Variants in CGN observed in about 807,000 individuals in gnomAD.
CGN encodes cingulin.
Under a neutral mutation model 157.1 loss-of-function variants are expected in CGN, and 121 were observed. The ratio of observed to expected loss-of-function variants is 0.77; its 90% CI spans 0.66 to 0.90. The LOEUF is 0.90. Ranked by LOEUF, CGN falls within the 40% of genes least tolerant of loss-of-function variation. The probability of loss-of-function intolerance (pLI) is 0.00; values close to 1 mark genes in which losing one functional copy is unlikely to be tolerated. For synonymous variants in CGN, 535 were observed against 607.5 expected, an observed-to-expected ratio of 0.88 and a Z score of 1.76; for missense variants, 1,424 against 1,520.9, an observed-to-expected ratio of 0.94 and a Z score of 1.06.
chr1:151,522,441 A>G (rs58530871), intron 5 of CGN, among the ~76,000 whole-genome samples: 3,662 of 152,190 alleles, frequency 0.024, 142 homozygotes, highest in African/African-American at 0.084. Context: ...CCTGGCCAAC[A>G]TGGTGAAACC....
Position 151,524,783 on chromosome 1 carries a change from T to G in CGN, c.1511T>G (p.Leu504Arg). The G allele has an allele frequency of 6.2e-7, 1 of 1,612,714 alleles. No individual in the cohort carries two copies. The highest frequency in any genetic ancestry group is 8.5e-7 in the Non-Finnish European group (1 of 1,179,858). ...GAGTTGACAGCCCTGAAGGGGGCCC[T>G]GAAAGAGGAGGTAGCCTCCCGTGAC... ...ERELTALKGA[L>R]KEEVASRDQE... The change falls in exon 8 of 21, where the codon CTG (leucine) becomes CGG (arginine). Residue 504 changes from leucine (L) to arginine (R), a missense_variant. Coordinates refer to ENST00000271636, the MANE Select transcript of CGN (RefSeq NM_020770.3). This position sits in a 1 kb window ranked among gnomAD's most constrained non-coding sequence, Gnocchi z 4.4.
rs1460667124 is a variant in CGN at position 151,537,418 on chromosome 1, C to T, written c.*72C>T. On this transcript the variant is annotated 3_prime_UTR_variant, in exon 21 of 21. Coordinates refer to ENST00000271636, the MANE Select transcript of CGN (RefSeq NM_020770.3). Reference sequence around the variant, plus strand: ...GCAAGTGCTGCTCTGCTCTGCCCACCCTGGGTTCTGCATTCCTATGGGTGA... The same window carrying T: ...GCAAGTGCTGCTCTGCTCTGCCCACTCTGGGTTCTGCATTCCTATGGGTGA... The T allele has an allele frequency of 4.9e-6, 7 of 1,431,778 alleles. No individual in the cohort carries two copies. The Admixed American group carries it at 1.2e-4, about 25-fold the overall frequency. The allele number at this position is 1,431,778 out of a possible 1,614,324, so 88.7% of individuals were successfully genotyped here.
chr1:151,525,441 T>C (rs1664650053), intron 8 of CGN, among the ~76,000 whole-genome samples: 1 of 152,064 alleles, frequency 6.6e-6, no homozygotes, highest in African/African-American at 2.4e-5. Context: ...TGGGGAGGTT[T>C]CCTGTAGATG....
In CGN at chr1:151,523,522, T is replaced by C; in HGVS notation, c.1229T>C (p.Leu410Pro). 1 of 1,612,816 alleles carries C rather than the reference T, an allele frequency of 6.2e-7. No homozygotes were observed. Residue 410 changes from leucine to proline, a missense_variant, in exon 6 of 21, where the codon CTG becomes CCG. By Grantham distance (98) the Leu-to-Pro change is moderately conservative (BLOSUM62 -3). Coordinates refer to ENST00000271636, the MANE Select transcript of CGN (RefSeq NM_020770.3). ...TEECSRLQEL[L>P]ERRKGEAQQS... ...GAGTGCAGCCGACTGCAGGAGCTGC[T>C]GGAGAGGAGGAAGGGGGAGGCCCAG... is the stretch of plus-strand genomic sequence containing the variant.
Position 151,536,718 on chromosome 1 carries a change from T to G in CGN, c.3307-12T>G. The G allele has an allele frequency of 1.2e-6, 2 of 1,613,842 alleles. No individual in the cohort carries two copies. The highest frequency in any genetic ancestry group is 8.5e-7 in the Non-Finnish European group (1 of 1,179,824). On this transcript the variant is annotated splice_polypyrimidine_tract_variant and intron_variant, in intron 19 of 20. Coordinates refer to ENST00000271636, the MANE Select transcript of CGN (RefSeq NM_020770.3). ...ATGCTATTCAGATGTGTGGACTTGG[T>G]ATCCTGCCCAGCTAAGCCTGAGGGT...
At chr1:151,535,929 C>G (rs1360365107) in intron 18 of CGN, 31 bp downstream of exon 18, 1 of 1,534,908 alleles carries the variant, frequency 6.5e-7, no homozygotes, top group Non-Finnish European at 9.0e-7. Flanking sequence ...CTCCCTTCCT[C>G]CCTCCTTTTC....
In CGN at chr1:151,523,552, G is replaced by A. The variant is rs763143105; in HGVS notation, c.1259G>A (p.Ser420Asn). ...AGGAGGAAGGGGGAGGCCCAGCAGA[G>A]CAACAAGGAGTGAGTGCAGCTGGTG... ...LERRKGEAQQ[S>N]NKELQNMKRL... The change falls in exon 6 of 21, where the codon AGC (serine) becomes AAC (asparagine). Residue 420 changes from serine (S) to asparagine (N), a missense_variant. Coordinates refer to ENST00000271636, the MANE Select transcript of CGN (RefSeq NM_020770.3). 1 of 1,608,088 alleles carries A rather than the reference G, an allele frequency of 6.2e-7. No homozygotes were observed. Among genetic ancestry groups the A allele is most frequent in the East Asian group, 2.2e-5 (1 of 44,744 alleles).
chr1:151,531,979 A>G (rs987018647), intron 13 of CGN, among the ~76,000 whole-genome samples: 6 of 152,126 alleles, frequency 3.9e-5, no homozygotes, highest in Admixed American at 1.3e-4. Context: ...TTATAGTTTA[A>G]TTGGCATATT....
At chr1:151,528,371 G>A (rs945621439) in intron 10 of CGN, among the ~76,000 whole-genome samples, 7 of 150,576 alleles carry the variant, frequency 4.6e-5, no homozygotes, top group African/African-American at 1.7e-4. Flanking sequence ...TTTTTATGGA[G>A]TTATATTTTA....
At position 151,529,436 on chromosome 1, in the gene CGN, G is replaced by C. The variant is rs199971698; in HGVS notation, c.1983G>C (p.Glu661Asp). Residue 661 changes from glutamate to aspartate, a missense_variant, in exon 11 of 21, where the codon GAG becomes GAC. Transcript: ENST00000271636. ...QEVAGRHRDR[E>D]LEKQLAVLRV... ...TGGCTGGGCGACACCGGGACCGGGA[G>C]TTGGAGAAGCAGCTGGCGGTCCTGA... 8.7e-6 allele frequency: 14 copies of C among 1,613,802 alleles called. No homozygotes were observed. Among genetic ancestry groups the C allele is most frequent in the Admixed American group, 5.0e-5 (3 of 59,982 alleles).
At position 151,527,102 on chromosome 1, in the gene CGN, A is replaced by C. The variant is rs371885038; in HGVS notation, c.1891A>C (p.Lys631Gln). ...AGDTRQVEVL[K>Q]KELLRTQEEL... ...AGATACTCGCCAGGTTGAGGTGCTC[A>C]AGAAGGTATTTGGGAATTGGGGGGC... Residue 631 changes from lysine (K) to glutamine (Q), a missense_variant, in exon 10 of 21, where the codon AAG (lysine) becomes CAG (glutamine). Transcript: ENST00000271636. 1.9e-6 allele frequency: 3 copies of C among 1,613,950 alleles called. No homozygotes were observed. Among genetic ancestry groups the C allele is most frequent in the Non-Finnish European group, 2.5e-6 (3 of 1,180,016 alleles).
In CGN at chr1:151,532,488, G is replaced by A. The variant is rs749274157; in HGVS notation, c.2658G>A (p.Glu886=). 1.2e-6 allele frequency: 2 copies of A among 1,610,484 alleles called. No individual in the cohort carries two copies. Among genetic ancestry groups the A allele is most frequent in the South Asian group, 1.1e-5 (1 of 90,544 alleles). ...LEDYKEKARR[E]VADAQRQAKD... ...ATTATAAGGAAAAGGCCCGGCGGGA[G>A]GTGGCAGATGCCCAGCGCCAGGCCA... Residue 886 remains glutamate, a synonymous_variant, in exon 14 of 21, where the codon GAG becomes GAA. Coordinates refer to ENST00000271636, the MANE Select transcript of CGN (RefSeq NM_020770.3).
At chr1:151,532,702 C>T in intron 14 of CGN, 130 bp downstream of exon 14, 1 of 669,924 alleles carries the variant, frequency 1.5e-6, no homozygotes, top group Non-Finnish European at 2.2e-6. Flanking sequence ...TCACTGCAAG[C>T]TCTGCCTCCG....
Position 151,533,970 on chromosome 1 carries a change from C to T in CGN, c.2743-5C>T. On this transcript the variant is annotated splice_region_variant and splice_polypyrimidine_tract_variant and intron_variant, in intron 14 of 20. Coordinates refer to ENST00000271636, the MANE Select transcript of CGN (RefSeq NM_020770.3). ...TGAGCTGTGGCATTTTTACCCCCTG[C>T]CCAGATCCAGAGGCTGCGGCAGGCC... 6.2e-7 allele frequency: 1 copy of T among 1,604,866 alleles called. No individual in the cohort carries two copies. The highest frequency in any genetic ancestry group is 8.5e-7 in the Non-Finnish European group (1 of 1,177,314).
chr1:151,529,198 T>G, intron 10 of CGN, 152 bp from the exon 11 acceptor site: 1 of 626,508 alleles, frequency 1.6e-6, no homozygotes, highest in South Asian at 2.0e-5. Context: ...GGTAAATCTG[T>G]GTTTAACTTT....
rs1482947529 is a variant in CGN, at chr1:151,524,810, A to G, written c.1538A>G (p.Gln513Arg). 1.9e-6 allele frequency: 3 copies of G among 1,612,702 alleles called. No homozygotes were observed. In the Middle Eastern group the frequency reaches 6.0e-4, roughly 325 times the overall value. Residue 513 changes from glutamine (Q) to arginine (R), a missense_variant, in exon 8 of 21, where the codon CAG (glutamine) becomes CGG (arginine). Transcript: ENST00000271636. The surrounding 1 kb of genome is among the most constrained non-coding windows in gnomAD (Gnocchi z 4.4). Reference sequence around the variant, plus strand: ...AAAGAGGAGGTAGCCTCCCGTGACCAGGAGGTGGAACATGTCCGGCAGCAG... The same window carrying G: ...AAAGAGGAGGTAGCCTCCCGTGACCGGGAGGTGGAACATGTCCGGCAGCAG... ...ALKEEVASRD[Q>R]EVEHVRQQYQ...
chr1:151,527,990 C>G (rs1664732508), intron 10 of CGN: 1 of 147,582 alleles, frequency 6.8e-6, no homozygotes. Context: ...GAGTCTCACT[C>G]TGTCACCCAG....
chr1:151,527,856 T>C, intron 10 of CGN: 2 of 257,776 alleles, frequency 7.8e-6, no homozygotes, highest in South Asian at 3.9e-5. Context: ...AAGTGGCAGC[T>C]GCAGGGATTG....
intron 15 of CGN, chr1:151,534,543 G>A: frequency 4.1e-6 from 1 of 244,900 alleles, no homozygotes; most frequent in Non-Finnish European, 8.0e-6. Context: ...AGGTAGTCTT[G>A]TTTTCTCCAT....
Sources: gnomAD v4.1 joint callset for allele counts (sites outside exome capture counted in the v4.1 genomes callset) on GRCh38, gnomAD v4.1.1 for gene constraint, Gnocchi (gnomAD v3.1) non-coding constraint, MANE v1.5 for transcripts, NCBI Gene and HGNC (gene_info 2026-07-23, HGNC 2026-07-21) for gene names.